NFIC: variants seen among roughly 807,000 people sequenced by gnomAD.
The protein encoded by NFIC is nuclear factor I C, also known as nuclear factor 1 C-type.
In NFIC, 12 loss-of-function variants were observed where a neutral mutation model predicts 54.4. The observed-to-expected ratio is 0.22, with a 90% CI of 0.14 to 0.36. NFIC has a LOEUF of 0.36. Ranked by LOEUF, NFIC falls within the 10% of genes least tolerant of loss-of-function variation. The pLI is 1.00. For synonymous variants in NFIC, 322 were observed against 319.2 expected, an observed-to-expected ratio of 1.01 and a Z score of -0.09; for missense variants, 575 against 718.2, an observed-to-expected ratio of 0.80 and a Z score of 2.28.
intron 6 of NFIC, among the ~76,000 whole-genome samples, chr19:3,446,531 A>C (rs73523828): frequency 0.15 from 23,293 of 152,220 alleles, 4,453 homozygotes; most frequent in African/African-American, 0.45. Context: ...AAGGAACTCC[A>C]AGGGCCAGGT....
intron 6 of NFIC, 39 bp downstream of exon 6, chr19:3,435,246 T>A (rs1434992648): frequency 6.6e-7 from 1 of 1,524,018 alleles, no homozygotes. Context: ...CCTTCCGGTC[T>A]GAGTCACCGT....
chr19:3,401,635 G>A (rs1385575747), intron 2 of NFIC, among the ~76,000 whole-genome samples: 1 of 152,204 alleles, frequency 6.6e-6, no homozygotes, highest in East Asian at 1.9e-4. Context: ...ATGGGTCCTG[G>A]TGCCCGGGAG....
chr19:3,463,964 C>CA lies in NFIC; in HGVS notation c.*1196dup. ...GTCAACCCTCATCGCCGTGCCCCCC[C>CA]AGAGCTAGAGAGATGGGGCCCCTGC... On this transcript the variant is annotated 3_prime_UTR_variant, in exon 11 of 11. Coordinates refer to ENST00000443272, the MANE Select transcript of NFIC (RefSeq NM_001245002.2). 1.0e-6 allele frequency: 1 copy of CA among 985,268 alleles called. No individual in the cohort carries two copies. The highest frequency in any genetic ancestry group is 1.2e-6 in the Non-Finnish European group (1 of 829,888). 61.0% of individuals were successfully genotyped at this position (985,268 alleles called of 1,614,324 possible). A position where few individuals can be genotyped will look rare whatever the true frequency, so the allele number is the denominator to read the frequency against.
chr19:3,440,404 G>A lies in NFIC; in HGVS notation c.958+5197G>A, dbSNP rs2082275351. 4.0e-5 allele frequency among the ~76,000 whole-genome samples: 6 copies of A among 151,524 alleles called. No homozygotes were observed. In the South Asian group the frequency reaches 1.3e-3, roughly 32 times the overall value. On this transcript the variant is annotated intron_variant, in intron 6 of 10. Coordinates refer to ENST00000443272, the MANE Select transcript of NFIC (RefSeq NM_001245002.2). ...AAGCACCTAAACGGAGTGGGGAGAAGGTGCGTGACCCCTGGTCTGGGCCAC... is the reference window on the plus strand; with the variant it reads ...AAGCACCTAAACGGAGTGGGGAGAAAGTGCGTGACCCCTGGTCTGGGCCAC...
intron 2 of NFIC, among the ~76,000 whole-genome samples, chr19:3,402,589 C>CACTAAGCA (rs778888963): frequency 2.6e-5 from 4 of 152,164 alleles, no homozygotes; most frequent in Non-Finnish European, 5.9e-5. Context: ...CCCGTGCAGT[C>CACTAAGCA]ACTAAGCAAC....
At position 3,414,837 on chromosome 19, in the gene NFIC, T is replaced by C. The variant is rs555917631; in HGVS notation, c.563-10269T>C. On this transcript the variant is annotated intron_variant, in intron 2 of 10. Transcript: ENST00000443272. ...GTTTTTTTGTTTTTTTGTTTTTTGT[T>C]TTTTTGTTTTTGTGTTTTTTGAGAC... 4.6e-5 allele frequency among the ~76,000 whole-genome samples: 7 copies of C among 151,974 alleles called. No homozygotes were observed. The East Asian group carries it at 1.4e-3, about 29-fold the overall frequency.
chr19:3,403,990 TC>T (rs1176417580), intron 2 of NFIC, among the ~76,000 whole-genome samples: 1 of 151,806 alleles, frequency 6.6e-6, no homozygotes, highest in African/African-American at 2.4e-5. Context: ...CACATGTGGC[TC>T]CCGGGGCTCC....
chr19:3,451,717 G>A (rs1343848263), intron 7 of NFIC, among the ~76,000 whole-genome samples: 3 of 151,716 alleles, frequency 2.0e-5, no homozygotes, highest in Non-Finnish European at 2.9e-5. Context: ...TGTGGGGCCA[G>A]ATGGGCTGGG....
chr19:3,380,208 G>A lies in NFIC; in HGVS notation c.31-1504G>A, dbSNP rs997209572. ...TTCAGTAGAGACGGGGTTTCACTGTGTTAGCCAGGATGGTCTCAATCTCCT... is the reference window on the plus strand; with the variant it reads ...TTCAGTAGAGACGGGGTTTCACTGTATTAGCCAGGATGGTCTCAATCTCCT... On this transcript the variant is annotated intron_variant, in intron 1 of 10. Coordinates refer to ENST00000443272, the MANE Select transcript of NFIC (RefSeq NM_001245002.2). Among the ~76,000 whole-genome samples, 5 of 144,540 alleles carry A rather than the reference G, an allele frequency of 3.5e-5. No homozygotes were observed. In the East Asian group the frequency reaches 1.1e-3, roughly 31 times the overall value. The allele number at this position is 144,540 out of a possible 152,430, so 94.8% of individuals were successfully genotyped here. A position where few individuals can be genotyped will look rare whatever the true frequency, so the allele number is the denominator to read the frequency against.
intron 3 of NFIC, among the ~76,000 whole-genome samples, chr19:3,432,965 C>T (rs541527165): frequency 7.9e-5 from 12 of 151,690 alleles, no homozygotes; most frequent in South Asian, 2.1e-4. Flanking sequence ...CCACCGCACC[C>T]GGCTCCACTC....
intron 6 of NFIC, among the ~76,000 whole-genome samples, chr19:3,441,889 C>T (rs929180002): frequency 6.6e-6 from 1 of 152,222 alleles, no homozygotes; most frequent in Non-Finnish European, 1.5e-5. Flanking sequence ...GCATCCTCCC[C>T]CCACCCTTCC....
chr19:3,377,743 C>G (rs2081133520), intron 1 of NFIC, among the ~76,000 whole-genome samples: 1 of 152,178 alleles, frequency 6.6e-6, no homozygotes, highest in African/African-American at 2.4e-5. Flanking sequence ...TCCTAAGTAG[C>G]TAGGACTACA....
Position 3,459,486 on chromosome 19 carries a change from C to T in NFIC, c.1509+2851C>T, listed in dbSNP as rs1378176944. Among the ~76,000 whole-genome samples the T allele has an allele frequency of 3.3e-5, 5 of 152,154 alleles. No homozygotes were observed. Among genetic ancestry groups the T allele is most frequent in the South Asian group, 2.1e-4 (1 of 4,828 alleles). On this transcript the variant is annotated intron_variant, in intron 10 of 10. Transcript: ENST00000443272. The surrounding 1 kb of genome is among the most constrained non-coding windows in gnomAD (Gnocchi z 4.2). ...GGGGGGCAAGGCGGGCATTGAGCCA[C>T]ATGCCGGGAGCCACACAGGCGGCTG...
rs1227997025 is a variant in NFIC, at chr19:3,370,285, C to G, written c.30+3619C>G. ...GGGCGCTCTCTCCCCGTGTGCCCCC[C>G]ACCCGGGGCCTGGTGGCCTCTGATT... On this transcript the variant is annotated intron_variant, in intron 1 of 10. Transcript: ENST00000443272. This position sits in a 1 kb window ranked among gnomAD's most constrained non-coding sequence, Gnocchi z 5.2. Among the ~76,000 whole-genome samples, 4 of 152,098 alleles carry G rather than the reference C, an allele frequency of 2.6e-5. No individual in the cohort carries two copies. Among genetic ancestry groups the G allele is most frequent in the African/African-American group, 4.8e-5 (2 of 41,420 alleles).
chr19:3,445,665 C>T (rs941687021), intron 6 of NFIC, among the ~76,000 whole-genome samples: 19 of 152,142 alleles, frequency 1.2e-4, no homozygotes, highest in African/African-American at 4.3e-4. Flanking sequence ...AGCTGCATGT[C>T]CCCCCACAGC....
chr19:3,365,273 G>T (rs908035790), upstream of NFIC, among the ~76,000 whole-genome samples: 3 of 152,240 alleles, frequency 2.0e-5, no homozygotes, highest in African/African-American at 7.2e-5. Context: ...AGCTCAGAGA[G>T]ATGAGGTGAA....
intron 2 of NFIC, among the ~76,000 whole-genome samples, chr19:3,395,647 C>A (rs1330949351): frequency 6.6e-6 from 1 of 151,864 alleles, no homozygotes; most frequent in Non-Finnish European, 1.5e-5. Flanking sequence ...TAGGCGTGCA[C>A]CACTACGCCT....
intron 2 of NFIC, among the ~76,000 whole-genome samples, chr19:3,384,028 A>G (rs2081253285): frequency 6.7e-6 from 1 of 149,602 alleles, no homozygotes; most frequent in African/African-American, 2.4e-5. Context: ...GTGGAAAGAC[A>G]GCAGGGCAGA....
chr19:3,423,776 G>A (rs1038787201), intron 2 of NFIC, among the ~76,000 whole-genome samples: 3 of 152,120 alleles, frequency 2.0e-5, no homozygotes, highest in East Asian at 3.9e-4. Context: ...TGGGGTCGTC[G>A]CCATCAGAGA....
Sources: gnomAD v4.1 joint callset for allele counts (sites outside exome capture counted in the v4.1 genomes callset) on GRCh38, gnomAD v4.1.1 for gene constraint, Gnocchi (gnomAD v3.1) non-coding constraint, MANE v1.5 for transcripts, NCBI Gene and HGNC (gene_info 2026-07-23, HGNC 2026-07-21) for gene names.